Variants in CNTNAP2 observed in about 807,000 individuals in gnomAD.
The protein encoded by CNTNAP2 is contactin associated protein 2.
A neutral mutation model predicts 155.2 loss-of-function variants in CNTNAP2; 98 were observed. That is an observed-to-expected ratio of 0.63 (90% CI 0.54 to 0.75). The LOEUF (loss-of-function observed/expected upper bound fraction) is 0.75. CNTNAP2 is among the 30% of genes least tolerant of loss of function. CNTNAP2 has a pLI of 0.00. For missense variants in CNTNAP2, 1,727 were observed against 1,688.1 expected (o/e 1.02, Z -0.40); for synonymous variants, 651 against 631.2 (o/e 1.03, Z -0.47).
chr7:146,379,690 C>T (rs1047733597), intron 1 of CNTNAP2, among the ~76,000 whole-genome samples: 7 of 152,128 alleles, frequency 4.6e-5, no homozygotes, highest in Non-Finnish European at 8.8e-5. Context: ...ACCAAAGAAG[C>T]CTCCTTTGCC....
At chr7:147,055,131 AAAT>A (rs1799535699) in intron 4 of CNTNAP2, among the ~76,000 whole-genome samples, 1 of 152,174 alleles carries the variant, frequency 6.6e-6, no homozygotes, top group Non-Finnish European at 1.5e-5. Context: ...AGGCACCCCC[AAAT>A]AATAATATTT....
At chr7:148,364,555 AAGG>A (rs1460766860) in intron 21 of CNTNAP2, among the ~76,000 whole-genome samples, 3 of 152,170 alleles carry the variant, frequency 2.0e-5, no homozygotes, top group Non-Finnish European at 2.9e-5. Flanking sequence ...TGTTTAGCTC[AAGG>A]TTTGTGAATG....
At chr7:147,905,543 A>G (rs988015425) in intron 14 of CNTNAP2, among the ~76,000 whole-genome samples, 1 of 152,254 alleles carries the variant, frequency 6.6e-6, no homozygotes, top group Non-Finnish European at 1.5e-5. Flanking sequence ...TAGATAACAT[A>G]ATACAGTCAG....
chr7:148,034,387 G>C (rs964992968), intron 15 of CNTNAP2, among the ~76,000 whole-genome samples: 6 of 152,130 alleles, frequency 3.9e-5, no homozygotes, highest in African/African-American at 1.4e-4. Context: ...GGAGGTGTTT[G>C]GGTCATAAGG....
At chr7:148,141,407 T>C (rs1805069661) in intron 16 of CNTNAP2, among the ~76,000 whole-genome samples, 1 of 152,244 alleles carries the variant, frequency 6.6e-6, no homozygotes, top group Non-Finnish European at 1.5e-5. Context: ...TTGAGTTACT[T>C]TGTGCTCTTG....
At chr7:147,648,011 G>T (rs574005529) in intron 13 of CNTNAP2, among the ~76,000 whole-genome samples, 31 of 152,314 alleles carry the variant, frequency 2.0e-4, no homozygotes, top group African/African-American at 5.8e-4. Flanking sequence ...AGCCACTGAA[G>T]ACTGCATGGG....
chr7:147,039,791 A>G (rs543528266), intron 3 of CNTNAP2, among the ~76,000 whole-genome samples: 118 of 152,314 alleles, frequency 7.7e-4, no homozygotes, highest in African/African-American at 2.7e-3. Context: ...ATGCTCACCA[A>G]CAGTGTATAA....
intron 15 of CNTNAP2, among the ~76,000 whole-genome samples, chr7:148,061,983 ATAGATAGATAGATAGATAGATAGAT>A (rs1803157884): frequency 7.4e-6 from 1 of 134,734 alleles, no homozygotes. Context: ...AGATAGATAG[ATAGATAGATAGATAGATAGATAGAT>A]GATAGAGAGA....
intron 12 of CNTNAP2, among the ~76,000 whole-genome samples, chr7:147,566,381 TG>T (rs1800171637): frequency 2.3e-5 from 1 of 43,760 alleles, no homozygotes; most frequent in Non-Finnish European, 4.6e-5. Context: ...AGAAGGGGGG[TG>T]GGGGGATGAG....
At chr7:148,167,276 A>T (rs1324890666) in intron 17 of CNTNAP2, among the ~76,000 whole-genome samples, 4 of 152,090 alleles carry the variant, frequency 2.6e-5, no homozygotes, top group Non-Finnish European at 5.9e-5. Flanking sequence ...AGCAGCTGGG[A>T]TTACAGGTGC....
intron 13 of CNTNAP2, among the ~76,000 whole-genome samples, chr7:147,647,891 A>C (rs558257592): frequency 3.3e-5 from 5 of 152,298 alleles, no homozygotes; most frequent in Admixed American, 2.6e-4. Flanking sequence ...AGCAAAAGCA[A>C]GAAAATTGAG....
At chr7:147,662,088 A>C (rs1326578240) in intron 13 of CNTNAP2, among the ~76,000 whole-genome samples, 1 of 152,186 alleles carries the variant, frequency 6.6e-6, no homozygotes, top group Non-Finnish European at 1.5e-5. Context: ...CTTTCTTAGA[A>C]CATTTAATAC....
chr7:146,613,205 T>TTA (rs2129154463), intron 1 of CNTNAP2, among the ~76,000 whole-genome samples: 1 of 152,306 alleles, frequency 6.6e-6, no homozygotes, highest in Non-Finnish European at 1.5e-5. Flanking sequence ...TGTCTGTAAT[T>TTA]TCTAGAGTCA....
intron 1 of CNTNAP2, among the ~76,000 whole-genome samples, chr7:146,135,839 A>C (rs1797789161): frequency 6.6e-6 from 1 of 152,128 alleles, no homozygotes; most frequent in Non-Finnish European, 1.5e-5. Flanking sequence ...TGAAATAAGA[A>C]AAATACCAAG....
intron 14 of CNTNAP2, among the ~76,000 whole-genome samples, chr7:147,940,807 G>T (rs1252262855): frequency 6.6e-6 from 1 of 152,138 alleles, no homozygotes. Context: ...AAAAGTGCTG[G>T]AATTACAAGG....
intron 1 of CNTNAP2, among the ~76,000 whole-genome samples, chr7:146,268,700 G>GT (rs1800032776): frequency 1.3e-5 from 2 of 152,152 alleles, no homozygotes; most frequent in African/African-American, 4.8e-5. Context: ...AATTCATTTA[G>GT]TTTTTTCTTG....
intron 3 of CNTNAP2, among the ~76,000 whole-genome samples, chr7:146,981,429 A>G (rs1380621129): frequency 6.6e-6 from 1 of 152,176 alleles, no homozygotes; most frequent in Non-Finnish European, 1.5e-5. Context: ...TTCAGAATAA[A>G]CTTGCATAAA....
At chr7:147,027,043 C>T (rs548763508) in intron 3 of CNTNAP2, among the ~76,000 whole-genome samples, 2 of 148,352 alleles carry the variant, frequency 1.3e-5, no homozygotes, top group East Asian at 4.0e-4. Flanking sequence ...AAAAAACTTG[C>T]TTTGGATAAC....
intron 8 of CNTNAP2, among the ~76,000 whole-genome samples, chr7:147,297,550 A>G (rs535407896): frequency 6.6e-6 from 1 of 152,218 alleles, no homozygotes; most frequent in Non-Finnish European, 1.5e-5. Context: ...TGACATTTGC[A>G]CAGAGATCTG....
Sources: gnomAD v4.1 joint callset for allele counts (sites outside exome capture counted in the v4.1 genomes callset) on GRCh38, gnomAD v4.1.1 for gene constraint, MANE v1.5 for transcripts, NCBI Gene and HGNC (gene_info 2026-07-23, HGNC 2026-07-21) for gene names.